The following HDAC11 variants were observed in gnomAD, a reference collection of about 807,000 sequenced individuals.
HDAC11 encodes histone deacetylase 11.
In HDAC11, 23 loss-of-function variants were observed where a neutral mutation model predicts 41.1. That is an observed-to-expected ratio of 0.56 (90% CI 0.40 to 0.79). HDAC11 has a LOEUF of 0.79. Ranked by LOEUF, HDAC11 falls within the 30% of genes least tolerant of loss-of-function variation. The pLI is 0.00. For synonymous variants in HDAC11, 187 were observed against 186.6 expected (o/e 1.00, Z -0.02); for missense variants, 402 against 477.3 (o/e 0.84, Z 1.47).
intron 3 of HDAC11, among the ~76,000 whole-genome samples, chr3:13,488,401 G>A (rs190058033): frequency 6.6e-6 from 1 of 152,256 alleles, no homozygotes; most frequent in Non-Finnish European, 1.5e-5. Context: ...GAAACCCTGT[G>A]TCCTTTAAAC....
chr3:13,500,631 G>T, intron 5 of HDAC11, 82 bp from the exon 6 acceptor site: 2 of 1,113,642 alleles, frequency 1.8e-6, no homozygotes, highest in South Asian at 2.7e-5. Flanking sequence ...GAGGATGCTG[G>T]GGGAGGTGAA....
intron 3 of HDAC11, among the ~76,000 whole-genome samples, chr3:13,484,427 C>T (rs973513036): frequency 2.4e-4 from 36 of 152,226 alleles, no homozygotes; most frequent in Non-Finnish European, 5.0e-4. Context: ...AACTCCTGCC[C>T]CTTCCCAAGG....
intron 2 of HDAC11, among the ~76,000 whole-genome samples, chr3:13,482,114 G>A (rs556488724): frequency 1.3e-5 from 2 of 152,310 alleles, no homozygotes; most frequent in African/African-American, 2.4e-5. Context: ...TACAAGAGGC[G>A]GAGTTGGGTT....
intron 3 of HDAC11, among the ~76,000 whole-genome samples, chr3:13,486,763 A>G (rs1701612265): frequency 6.6e-6 from 1 of 151,896 alleles, no homozygotes; most frequent in Non-Finnish European, 1.5e-5. Context: ...TTTTTAGTAG[A>G]GACGGAGTTT....
At chr3:13,498,424 A>G in intron 4 of HDAC11, 89 bp from the exon 5 acceptor site, 2 of 1,508,444 alleles carry the variant, frequency 1.3e-6, no homozygotes, top group Non-Finnish European at 1.8e-6. Context: ...GGCTAGAAGC[A>G]GTGTTTATGG....
chr3:13,504,031 G>A, intron 8 of HDAC11, 63 bp from the exon 9 acceptor site: 1 of 1,505,314 alleles, frequency 6.6e-7, no homozygotes, highest in Non-Finnish European at 9.1e-7. Flanking sequence ...GGTGTCCACA[G>A]TCTTGTCCTG....
intron 3 of HDAC11, among the ~76,000 whole-genome samples, chr3:13,487,397 C>T (rs1398571993): frequency 6.6e-6 from 1 of 152,212 alleles, no homozygotes; most frequent in Non-Finnish European, 1.5e-5. Flanking sequence ...CCAACCCCTG[C>T]CTGGGGCTCA....
chr3:13,494,387 T>G (rs1701997210), intron 3 of HDAC11, among the ~76,000 whole-genome samples: 1 of 152,232 alleles, frequency 6.6e-6, no homozygotes, highest in African/African-American at 2.4e-5. Context: ...GAGGAGCTGA[T>G]GACCTCAGGC....
Position 13,498,845 on chromosome 3 carries a change from G to A in HDAC11, c.412+290G>A, listed in dbSNP as rs540850679. ...CTTTGCGTACTTCCGGTGGCAGGGA[G>A]CTTCCTCCCTTCCAGAGAGCGTGTG... On this transcript the variant is annotated intron_variant, in intron 5 of 9. Coordinates refer to ENST00000295757, the MANE Select transcript of HDAC11 (RefSeq NM_024827.4). Among the ~76,000 whole-genome samples, 54 of 152,252 alleles carry A rather than the reference G, an allele frequency of 3.5e-4. No homozygotes were observed. In the South Asian group the frequency reaches 1.0e-2, roughly 28 times the overall value.
chr3:13,493,776 G>A (rs778333378), intron 3 of HDAC11, among the ~76,000 whole-genome samples: 5 of 152,224 alleles, frequency 3.3e-5, no homozygotes, highest in Non-Finnish European at 4.4e-5. Flanking sequence ...ACTTTCTCCT[G>A]TGGGGGCTGG....
rs1701259273 is a variant in HDAC11, at chr3:13,480,566, G to A, written c.2+217G>A. On this transcript the variant is annotated intron_variant, in intron 1 of 9. Coordinates refer to ENST00000295757, the MANE Select transcript of HDAC11 (RefSeq NM_024827.4). This position sits in a 1 kb window ranked among gnomAD's most constrained non-coding sequence, Gnocchi z 4.6. ...TCGGTGGCCCGAGGGACGCGCGCCG[G>A]CCGCGGGCCTGGGCCCGGACCCGGA... is the stretch of plus-strand genomic sequence containing the variant. 1 of 307,354 alleles carries A rather than the reference G, an allele frequency of 3.3e-6. No individual in the cohort carries two copies. Among genetic ancestry groups the A allele is most frequent in the Non-Finnish European group, 6.2e-6 (1 of 160,248 alleles). The allele number at this position is 307,354 out of a possible 1,614,324, so 19.0% of individuals were successfully genotyped here.
chr3:13,500,824 G>A, intron 6 of HDAC11, 35 bp downstream of exon 6: 1 of 1,434,826 alleles, frequency 7.0e-7, no homozygotes, highest in Non-Finnish European at 9.4e-7. Context: ...TCGCCTCCAA[G>A]AGCCCTCCTG....
intron 3 of HDAC11, among the ~76,000 whole-genome samples, chr3:13,492,466 G>T (rs533351250): frequency 1.3e-5 from 2 of 152,274 alleles, no homozygotes; most frequent in Non-Finnish European, 2.9e-5. Flanking sequence ...AATCGGGACA[G>T]TCTGTAGCCT....
intron 3 of HDAC11, 23 bp from the exon 4 acceptor site, chr3:13,496,713 A>G (rs755930859): frequency 5.2e-6 from 8 of 1,528,848 alleles, no homozygotes; most frequent in Middle Eastern, 1.7e-4. Context: ...GCGGAGGCCA[A>G]CAGCCCCTGT....
intron 3 of HDAC11, among the ~76,000 whole-genome samples, chr3:13,495,020 G>A (rs866717512): frequency 1.1e-4 from 17 of 151,874 alleles, no homozygotes; most frequent in African/African-American, 2.9e-4. Context: ...GAACATGCTC[G>A]TGTTTCTCCC....
Position 13,502,095 on chromosome 3 carries a change from T to G in HDAC11, c.552+162T>G, listed in dbSNP as rs1040122462. On this transcript the variant is annotated intron_variant, in intron 7 of 9. Transcript: ENST00000295757. The surrounding 1 kb of genome is among the most constrained non-coding windows in gnomAD (Gnocchi z 4.1). ...TGCAGGGTCTGTCTTTGTCACTCTGTCCAGGACAGCGGGTCCTCCTCATTG... is the reference window on the plus strand; with the variant it reads ...TGCAGGGTCTGTCTTTGTCACTCTGGCCAGGACAGCGGGTCCTCCTCATTG... 1.3e-4 allele frequency: 81 copies of G among 626,476 alleles called. No individual in the cohort carries two copies. The highest frequency in any genetic ancestry group is 2.0e-4 in the Non-Finnish European group (73 of 358,196). The allele number at this position is 626,476 out of a possible 1,614,324, so 38.8% of individuals were successfully genotyped here.
intron 3 of HDAC11, among the ~76,000 whole-genome samples, chr3:13,492,990 A>G (rs1171932783): frequency 6.6e-6 from 1 of 152,192 alleles, no homozygotes; most frequent in African/African-American, 2.4e-5. Flanking sequence ...GGCAGAACCC[A>G]GACTTGGACC....
At chr3:13,486,798 C>G (rs2597514) in intron 3 of HDAC11, among the ~76,000 whole-genome samples, 2 of 151,632 alleles carry the variant, frequency 1.3e-5, no homozygotes, top group African/African-American at 2.4e-5. Flanking sequence ...AGGCTGGTCT[C>G]GAACTCCTGA....
intron 3 of HDAC11, among the ~76,000 whole-genome samples, chr3:13,484,560 C>T (rs529364775): frequency 2.0e-5 from 3 of 152,042 alleles, no homozygotes; most frequent in South Asian, 4.1e-4. Context: ...GAGTCTCGCT[C>T]TTGTTGAGCA....
Sources: allele counts gnomAD v4.1 joint callset (sites outside exome capture counted in the v4.1 genomes callset), GRCh38; gene constraint gnomAD v4.1.1; non-coding constraint Gnocchi (gnomAD v3.1); transcripts MANE v1.5; gene names NCBI Gene and HGNC (gene_info 2026-07-23, HGNC 2026-07-21).